The following SLC30A8 variants were observed in gnomAD, a reference collection of about 807,000 sequenced individuals.
SLC30A8 encodes solute carrier family 30 member 8.
Under a neutral mutation model 36.9 loss-of-function variants are expected in SLC30A8, and 27 were observed. That is an observed-to-expected ratio of 0.73 (90% CI 0.54 to 1.01). The LOEUF (loss-of-function observed/expected upper bound fraction) is 1.01, where lower values mean the gene tolerates loss of function less well. Ranked by LOEUF, SLC30A8 falls within the 50% of genes least tolerant of loss-of-function variation. The pLI is 0.00. For synonymous variants in SLC30A8, 164 were observed against 172.4 expected (o/e 0.95, Z 0.38); for missense variants, 439 against 452.0 (o/e 0.97, Z 0.26).
intron 2 of SLC30A8, among the ~76,000 whole-genome samples, chr8:117,147,820 C>A (rs73317633): frequency 0.042 from 6,331 of 152,208 alleles, 339 homozygotes; most frequent in African/African-American, 0.12. Flanking sequence ...TACTTTGCTA[C>A]TGTATAGATG....
At chr8:117,108,300 A>G (rs2130873255) in intron 2 of SLC30A8, among the ~76,000 whole-genome samples, 1 of 152,310 alleles carries the variant, frequency 6.6e-6, no homozygotes, top group South Asian at 2.1e-4. Context: ...GGATAGATTA[A>G]AAATCAAATG....
intron 1 of SLC30A8, among the ~76,000 whole-genome samples, chr8:117,007,443 C>A (rs545812208): frequency 1.3e-5 from 2 of 152,144 alleles, no homozygotes; most frequent in African/African-American, 4.8e-5. Context: ...TGGAAAACTG[C>A]CCTTTAGTTA....
chr8:117,135,502 G>T, intron 1 of SLC30A8, 104 bp downstream of exon 1: 1 of 739,822 alleles, frequency 1.4e-6, no homozygotes, highest in Non-Finnish European at 2.1e-6. Context: ...GCAACTTGGG[G>T]GCACTCTGGA....
chr8:117,166,248 A>C (rs755950675), intron 6 of SLC30A8, among the ~76,000 whole-genome samples: 7 of 152,202 alleles, frequency 4.6e-5, no homozygotes, highest in Non-Finnish European at 1.0e-4. Flanking sequence ...ACATATGTAC[A>C]ATTATCATGT....
intron 2 of SLC30A8, among the ~76,000 whole-genome samples, chr8:117,076,484 C>T (rs1303854242): frequency 1.3e-5 from 2 of 152,084 alleles, no homozygotes; most frequent in Non-Finnish European, 2.9e-5. Flanking sequence ...AATTACAGAG[C>T]TCTCTGCCAC....
chr8:116,991,501 C>T (rs1452395701), intron 1 of SLC30A8, among the ~76,000 whole-genome samples: 2 of 152,120 alleles, frequency 1.3e-5, no homozygotes, highest in Non-Finnish European at 2.9e-5. Context: ...GACGGGGTTT[C>T]ACCATGTTGG....
At chr8:117,108,913 C>T (rs1176065994) in intron 2 of SLC30A8, among the ~76,000 whole-genome samples, 1 of 152,184 alleles carries the variant, frequency 6.6e-6, no homozygotes, top group Non-Finnish European at 1.5e-5. Flanking sequence ...CACATTTCAG[C>T]TTTCAGCGTC....
chr8:117,014,449 A>G (rs963978843), intron 1 of SLC30A8, among the ~76,000 whole-genome samples: 10 of 152,298 alleles, frequency 6.6e-5, no homozygotes, highest in Non-Finnish European at 1.2e-4. Context: ...CCTTGATTCT[A>G]TTCCTTCAAT....
chr8:116,991,547 G>T (rs113325437), intron 1 of SLC30A8, among the ~76,000 whole-genome samples: 6 of 151,970 alleles, frequency 3.9e-5, no homozygotes, highest in African/African-American at 1.4e-4. Flanking sequence ...TCAGGTGATC[G>T]CCCATCTTGG....
At chr8:116,989,509 TAAAC>T (rs1489350535) in intron 1 of SLC30A8, among the ~76,000 whole-genome samples, 5 of 152,206 alleles carry the variant, frequency 3.3e-5, no homozygotes, top group Non-Finnish European at 7.3e-5. Flanking sequence ...TTAAGTAAAT[TAAAC>T]AATTTAGTTT....
chr8:117,137,798 A>ACAGTAT (rs1821430414), intron 1 of SLC30A8, among the ~76,000 whole-genome samples: 1 of 152,002 alleles, frequency 6.6e-6, no homozygotes, highest in South Asian at 2.1e-4. Flanking sequence ...CAGAACTGGC[A>ACAGTAT]CAGTATCATT....
chr8:117,104,046 G>A (rs1563599054), intron 2 of SLC30A8, among the ~76,000 whole-genome samples: 1 of 152,214 alleles, frequency 6.6e-6, no homozygotes, highest in South Asian at 2.1e-4. Context: ...ATACCCCGTC[G>A]CTATTCCTGG....
intron 2 of SLC30A8, among the ~76,000 whole-genome samples, chr8:117,113,542 A>G (rs115585484): frequency 2.6e-4 from 39 of 152,250 alleles, no homozygotes; most frequent in African/African-American, 9.4e-4. Context: ...GCCTGGCTGC[A>G]TTGCCCAGGA....
intron 2 of SLC30A8, among the ~76,000 whole-genome samples, chr8:117,115,481 A>G (rs925841077): frequency 4.6e-5 from 7 of 151,962 alleles, no homozygotes; most frequent in Non-Finnish European, 1.0e-4. Flanking sequence ...CCAATTTTGC[A>G]TTTTGCTAGC....
chr8:117,026,877 G>GT (rs1816891015), intron 1 of SLC30A8, among the ~76,000 whole-genome samples: 1 of 152,104 alleles, frequency 6.6e-6, no homozygotes, highest in South Asian at 2.1e-4. Context: ...TAGAGATTAG[G>GT]TGAGTGACTA....
chr8:116,971,139 A>G (rs1430841191), intron 1 of SLC30A8, among the ~76,000 whole-genome samples: 1 of 152,166 alleles, frequency 6.6e-6, no homozygotes, highest in Non-Finnish European at 1.5e-5. Context: ...AAGAAAAGAA[A>G]AGAAAATAGT....
At chr8:117,094,129 C>T (rs1027833943) in intron 2 of SLC30A8, among the ~76,000 whole-genome samples, 1 of 152,236 alleles carries the variant, frequency 6.6e-6, no homozygotes, top group Non-Finnish European at 1.5e-5. Context: ...GGTTCGGGCT[C>T]CCCGAAGGGC....
intron 1 of SLC30A8, among the ~76,000 whole-genome samples, chr8:117,003,184 GC>G (rs954075771): frequency 2.0e-5 from 3 of 152,120 alleles, no homozygotes; most frequent in Non-Finnish European, 4.4e-5. Flanking sequence ...TAAAACTCAG[GC>G]CCGCTAAGAC....
chr8:117,035,829 G>A (rs568734386), intron 1 of SLC30A8, among the ~76,000 whole-genome samples: 2 of 152,294 alleles, frequency 1.3e-5, no homozygotes, highest in Admixed American at 6.5e-5. Context: ...AGCTGCCAAG[G>A]CTTGGAGCTT....
Sources: gnomAD v4.1 joint callset for allele counts (sites outside exome capture counted in the v4.1 genomes callset) on GRCh38, gnomAD v4.1.1 for gene constraint, MANE v1.5 for transcripts, NCBI Gene and HGNC (gene_info 2026-07-23, HGNC 2026-07-21) for gene names.